Variants in AP3B1 observed in about 807,000 individuals in gnomAD.
AP3B1 encodes the protein AP-3 complex subunit beta-1.
AP3B1 carries 61 observed loss-of-function variants against 132.5 expected under a neutral mutation model. That is an observed-to-expected ratio of 0.46 (90% confidence interval 0.37 to 0.57). AP3B1 has a LOEUF of 0.57. AP3B1 is among the 20% of genes least tolerant of loss of function. The pLI is 0.00. For missense variants in AP3B1, 1,120 were observed against 1,289.4 expected (o/e 0.87, Z 2.01); for synonymous variants, 388 against 438.3 (o/e 0.89, Z 1.43).
chr5:78,065,719 A>C (rs1749260951), intron 22 of AP3B1, among the ~76,000 whole-genome samples: 1 of 152,122 alleles, frequency 6.6e-6, no homozygotes, highest in African/African-American at 2.4e-5. Context: ...GGATCAGTGC[A>C]CTTAGTCCTT....
intron 3 of AP3B1, among the ~76,000 whole-genome samples, chr5:78,240,428 T>C (rs1472729512): frequency 6.6e-6 from 1 of 152,198 alleles, no homozygotes; most frequent in East Asian, 1.9e-4. Flanking sequence ...GCTTAGTACA[T>C]GTCATGAGTA....
At chr5:78,205,440 T>C (rs965502722) in intron 7 of AP3B1, among the ~76,000 whole-genome samples, 2 of 151,690 alleles carry the variant, frequency 1.3e-5, no homozygotes, top group African/African-American at 2.4e-5. Context: ...TACATATATA[T>C]ATACACACAC....
At position 78,011,235 on chromosome 5, in the gene AP3B1, G is replaced by A. The variant is rs566105191; in HGVS notation, c.3131+4175C>T. Reference sequence around the variant, plus strand: ...TTTTTTTTGTATATTTAGTAGAGACGGGGTTTCACCATGTTGGCCAGGCTG... The same window carrying A: ...TTTTTTTTGTATATTTAGTAGAGACAGGGTTTCACCATGTTGGCCAGGCTG... On this transcript the variant is annotated intron_variant, in intron 26 of 26. Transcript: ENST00000255194. 3.3e-5 allele frequency among the ~76,000 whole-genome samples: 5 copies of A among 151,914 alleles called. No homozygotes were observed. The East Asian group carries it at 7.7e-4, about 24-fold the overall frequency.
chr5:78,237,456 T>C (rs1019315291), intron 3 of AP3B1, among the ~76,000 whole-genome samples: 13 of 152,084 alleles, frequency 8.5e-5, no homozygotes, highest in African/African-American at 2.9e-4. Flanking sequence ...TTCATGCCAC[T>C]ACAGTTCCCC....
chr5:78,142,163 T>C (rs1385410680), intron 14 of AP3B1, among the ~76,000 whole-genome samples: 1 of 152,222 alleles, frequency 6.6e-6, no homozygotes, highest in African/African-American at 2.4e-5. Flanking sequence ...GCACTATATT[T>C]TTAAATAAAC....
chr5:78,124,225 C>T (rs943115876), intron 17 of AP3B1, among the ~76,000 whole-genome samples: 4 of 152,134 alleles, frequency 2.6e-5, no homozygotes, highest in Admixed American at 2.6e-4. Flanking sequence ...GGAGGGATAG[C>T]ATTTGGAGAT....
intron 21 of AP3B1, among the ~76,000 whole-genome samples, chr5:78,096,607 G>T (rs1211980077): frequency 1.3e-5 from 2 of 150,674 alleles, no homozygotes; most frequent in Admixed American, 1.3e-4. Flanking sequence ...GATGTGGGGA[G>T]CGCCTTTGCC....
At chr5:78,113,964 T>C in intron 18 of AP3B1, 41 bp from the exon 19 acceptor site, 3 of 1,598,604 alleles carry the variant, frequency 1.9e-6, no homozygotes, top group Non-Finnish European at 2.6e-6. Flanking sequence ...TATAGTCATT[T>C]AATTAGACAC....
chr5:78,271,100 G>C (rs1370322714), intron 1 of AP3B1, among the ~76,000 whole-genome samples: 2 of 152,118 alleles, frequency 1.3e-5, no homozygotes, highest in African/African-American at 2.4e-5. Context: ...AAACTCCATT[G>C]CTAGTGTCTT....
chr5:78,135,500 G>T (rs1752873687), intron 15 of AP3B1, among the ~76,000 whole-genome samples: 1 of 151,998 alleles, frequency 6.6e-6, no homozygotes. Flanking sequence ...AAACGAACGT[G>T]TGAACAGAAG....
chr5:78,248,896 T>G (rs367768398), intron 2 of AP3B1, among the ~76,000 whole-genome samples: 101 of 152,366 alleles, frequency 6.6e-4, no homozygotes, highest in African/African-American at 2.4e-3. Flanking sequence ...TGATTTCTGA[T>G]GAGAAATCTG....
intron 22 of AP3B1, among the ~76,000 whole-genome samples, chr5:78,087,294 G>A (rs1750304488): frequency 1.3e-5 from 2 of 152,052 alleles, no homozygotes; most frequent in Admixed American, 1.3e-4. Flanking sequence ...ATTTTCCTCT[G>A]ATGTCTTCTG....
At chr5:78,034,971 A>C (rs1479424787) in intron 23 of AP3B1, among the ~76,000 whole-genome samples, 1 of 151,954 alleles carries the variant, frequency 6.6e-6, no homozygotes, top group Non-Finnish European at 1.5e-5. Context: ...TAATTAAGAG[A>C]TCTCACATTG....
chr5:78,228,583 T>C (rs1746495796), intron 3 of AP3B1, among the ~76,000 whole-genome samples: 2 of 152,200 alleles, frequency 1.3e-5, no homozygotes. Context: ...AAGCCAGGCA[T>C]GGCGTACATG....
chr5:78,097,363 G>A (rs1191922100), intron 21 of AP3B1, among the ~76,000 whole-genome samples: 5 of 127,636 alleles, frequency 3.9e-5, no homozygotes, highest in Non-Finnish European at 5.1e-5. Context: ...CCGGCCAGCC[G>A]CCCTGTCCGG....
intron 26 of AP3B1, among the ~76,000 whole-genome samples, chr5:78,006,450 G>C (rs1378364462): frequency 1.3e-5 from 2 of 152,148 alleles, no homozygotes; most frequent in Non-Finnish European, 2.9e-5. Flanking sequence ...TGATTTTGTA[G>C]TAATGCGTAA....
intron 1 of AP3B1, among the ~76,000 whole-genome samples, chr5:78,291,976 T>C (rs1749542150): frequency 6.6e-6 from 1 of 152,146 alleles, no homozygotes. Context: ...ATAACATGAA[T>C]ACGTATATGT....
At chr5:78,059,656 T>TA (rs1748958739) in intron 22 of AP3B1, among the ~76,000 whole-genome samples, 1 of 152,012 alleles carries the variant, frequency 6.6e-6, no homozygotes, top group African/African-American at 2.4e-5. Flanking sequence ...ACAGCTGGTT[T>TA]AAAAAAACTC....
At chr5:78,220,278 T>C (rs1327171160) in intron 6 of AP3B1, among the ~76,000 whole-genome samples, 1 of 151,332 alleles carries the variant, frequency 6.6e-6, no homozygotes, top group Non-Finnish European at 1.5e-5. Context: ...GAGAAGTTGA[T>C]GATGCCTAAG....
Sources: allele counts gnomAD v4.1 joint callset (sites outside exome capture counted in the v4.1 genomes callset), GRCh38; gene constraint gnomAD v4.1.1; transcripts MANE v1.5; gene names NCBI Gene and HGNC (gene_info 2026-07-23, HGNC 2026-07-21).